The following PRPF3 variants were observed in gnomAD, a reference collection of about 807,000 sequenced individuals.
The protein encoded by PRPF3 is U4/U6 small nuclear ribonucleoprotein Prp3.
Under a neutral mutation model 89.2 loss-of-function variants are expected in PRPF3, and 3 were observed. The ratio of observed to expected loss-of-function variants is 0.03; its 90% CI spans 0.02 to 0.09. PRPF3 has a LOEUF of 0.09. Among genes scored for constraint, PRPF3 ranks in the 10% least tolerant of loss-of-function variants. The pLI is 1.00. For missense variants in PRPF3, 463 were observed against 828.8 expected (o/e 0.56, Z 5.42); for synonymous variants, 270 against 289.1 (o/e 0.93, Z 0.67).
Position 150,334,906 on chromosome 1 carries a change from G to C in PRPF3, c.729-29G>C, listed in dbSNP as rs782266547. On this transcript the variant is annotated intron_variant, in intron 6 of 15. Coordinates refer to ENST00000324862, the MANE Select transcript of PRPF3 (RefSeq NM_004698.4). ...TTGCTTGCCTTAATGTTCCATACAG[G>C]ATTTATTTCTTTGCGGGCTATTTTT... is the stretch of plus-strand genomic sequence containing the variant. 23 of 1,612,988 alleles carry C rather than the reference G, an allele frequency of 1.4e-5. 1 individual carries two copies. The Admixed American group carries it at 3.8e-4, about 27-fold the overall frequency.
intron 9 of PRPF3, among the ~76,000 whole-genome samples, chr1:150,341,846 G>C (rs1321613682): frequency 2.0e-5 from 3 of 151,414 alleles, no homozygotes; most frequent in Non-Finnish European, 2.9e-5. Context: ...TTGGATTATA[G>C]GTGCCTGCCA....
chr1:150,352,578 T>C (rs1659046155), intron 15 of PRPF3, among the ~76,000 whole-genome samples: 1 of 152,064 alleles, frequency 6.6e-6, no homozygotes, highest in African/African-American at 2.4e-5. Context: ...GGCAGGAGAA[T>C]GGTGTGAACC....
intron 3 of PRPF3, 72 bp from the exon 4 acceptor site, chr1:150,328,248 G>A (rs200565011): frequency 2.4e-5 from 38 of 1,578,906 alleles, no homozygotes; most frequent in Non-Finnish European, 3.0e-5. Flanking sequence ...AATGCTGGTA[G>A]GGGCTAGGAT....
intron 14 of PRPF3, among the ~76,000 whole-genome samples, chr1:150,348,121 G>A (rs1420007632): frequency 2.0e-5 from 3 of 152,014 alleles, no homozygotes; most frequent in African/African-American, 7.2e-5. Context: ...GATGGCTTAT[G>A]CCTGTAATCC....
chr1:150,344,497 T>C lies in PRPF3; in HGVS notation c.1590T>C (p.Ile530=), dbSNP rs1399478139. The C allele has an allele frequency of 1.2e-6, 2 of 1,614,120 alleles. No individual in the cohort carries two copies. The highest frequency in any genetic ancestry group is 1.3e-5 in the African/African-American group (1 of 75,034). ...LTAEQRKVKK[I]KKLKEDISQG... ...CAGAACAGAGAAAGGTCAAGAAAAT[T>C]AAAAAGCTTAAAGAAGACATTTCAC... Residue 530 remains isoleucine (I), a synonymous_variant, in exon 12 of 16, where the codon ATT becomes ATC. Transcript: ENST00000324862.
chr1:150,332,627 A>G lies in PRPF3; in HGVS notation c.424-57A>G, dbSNP rs1656540045. The G allele has an allele frequency of 2.6e-6, 4 of 1,553,800 alleles. No homozygotes were observed. In the Admixed American group the frequency reaches 5.0e-5, roughly 19 times the overall value. On this transcript the variant is annotated intron_variant, in intron 4 of 15. Transcript: ENST00000324862. ...GAGCCTTGTGGGTTTAAAAACCTGA[A>G]TGGGAGAAGTAAGAAGGAGAAATTA...
At chr1:150,342,089 G>A (rs1193208312) in intron 9 of PRPF3, among the ~76,000 whole-genome samples, 1 of 151,760 alleles carries the variant, frequency 6.6e-6, no homozygotes, top group Non-Finnish European at 1.5e-5. Context: ...CACTACTTAA[G>A]AAAGATAAGA....
chr1:150,340,168 GA>G (rs1480129251), intron 8 of PRPF3, among the ~76,000 whole-genome samples: 1 of 152,184 alleles, frequency 6.6e-6, no homozygotes, highest in African/African-American at 2.4e-5. Flanking sequence ...AAAAAAGGTT[GA>G]GAATGATTGC....
chr1:150,344,831 A>G (rs115269665), intron 12 of PRPF3, among the ~76,000 whole-genome samples: 35 of 152,052 alleles, frequency 2.3e-4, no homozygotes, highest in Non-Finnish European at 4.7e-4. Flanking sequence ...GATGTGAACT[A>G]AAGATTGTAT....
chr1:150,352,701 A>T, intron 15 of PRPF3, 132 bp from the exon 16 acceptor site: 2 of 986,570 alleles, frequency 2.0e-6, no homozygotes, highest in Non-Finnish European at 3.0e-6. Context: ...GGAGGTCACA[A>T]TTTTTTTTTA....
intron 3 of PRPF3, chr1:150,327,480 C>T (rs1192976897): frequency 2.3e-5 from 15 of 646,148 alleles, no homozygotes; most frequent in East Asian, 2.8e-4. Context: ...CCTTGGGATA[C>T]GGGTCCCATT....
At chr1:150,333,561 A>G (rs1656649999) in intron 6 of PRPF3, among the ~76,000 whole-genome samples, 1 of 152,332 alleles carries the variant, frequency 6.6e-6, no homozygotes, top group Middle Eastern at 3.4e-3. Flanking sequence ...TCCGGCTCAA[A>G]GAAAACAACA....
At chr1:150,329,701 T>C (rs950066910) in intron 4 of PRPF3, 2 of 152,222 alleles carry the variant, frequency 1.3e-5, no homozygotes, top group Non-Finnish European at 2.9e-5. Flanking sequence ...ATAGAACATA[T>C]ACAGAAATAT....
intron 6 of PRPF3, 50 bp from the exon 7 acceptor site, chr1:150,334,884 CT>C (rs781844403): frequency 1.2e-6 from 2 of 1,605,306 alleles, no homozygotes; most frequent in Non-Finnish European, 8.5e-7. Flanking sequence ...TTGTTTTTTG[CT>C]TGCCTTAATG....
chr1:150,334,613 C>T (rs1572223128), intron 6 of PRPF3, among the ~76,000 whole-genome samples: 1 of 152,028 alleles, frequency 6.6e-6, no homozygotes, highest in Non-Finnish European at 1.5e-5. Flanking sequence ...TGAGCCACCA[C>T]ACCCGTCCAT....
chr1:150,346,927 C>T (rs144063109), intron 14 of PRPF3, among the ~76,000 whole-genome samples: 2,577 of 152,036 alleles, frequency 0.017, 74 homozygotes, highest in African/African-American at 0.056. Flanking sequence ...CCCATATCTA[C>T]AAAAAGTACA....
intron 10 of PRPF3, among the ~76,000 whole-genome samples, chr1:150,343,953 G>A (rs1658037525): frequency 6.6e-6 from 1 of 152,204 alleles, no homozygotes; most frequent in South Asian, 2.1e-4. Flanking sequence ...TAATGTAAAT[G>A]CATACCAATC....
intron 12 of PRPF3, chr1:150,345,764 C>T (rs910313227): frequency 1.2e-5 from 6 of 483,622 alleles, no homozygotes; most frequent in Admixed American, 3.3e-5. Context: ...AATACCTCTC[C>T]CTGACTCTTA....
At chr1:150,334,686 C>T (rs1039323290) in intron 6 of PRPF3, among the ~76,000 whole-genome samples, 1 of 151,988 alleles carries the variant, frequency 6.6e-6, no homozygotes, top group African/African-American at 2.4e-5. Flanking sequence ...TGATCCTCCT[C>T]AACCTCCTGA....
Sources: gnomAD v4.1 joint callset for allele counts (sites outside exome capture counted in the v4.1 genomes callset) on GRCh38, gnomAD v4.1.1 for gene constraint, MANE v1.5 for transcripts, NCBI Gene and HGNC (gene_info 2026-07-23, HGNC 2026-07-21) for gene names.